The following ZEB1 variants were observed in gnomAD, a reference collection of about 807,000 sequenced individuals.
The protein encoded by ZEB1 is zinc finger E-box-binding homeobox 1.
In ZEB1, 21 loss-of-function variants were observed where a neutral mutation model predicts 84.9. That is an observed-to-expected ratio of 0.25 (90% CI 0.18 to 0.36). The LOEUF (loss-of-function observed/expected upper bound fraction) is 0.36. ZEB1 is among the 10% of genes least tolerant of loss of function. ZEB1 has a pLI of 1.00. For synonymous variants in ZEB1, 420 were observed against 471.1 expected, an observed-to-expected ratio of 0.89 and a Z score of 1.41; for missense variants, 1,104 against 1,330.2, an observed-to-expected ratio of 0.83 and a Z score of 2.65.
intron 1 of ZEB1, among the ~76,000 whole-genome samples, chr10:31,408,219 A>G (rs759566222): frequency 0.021 from 3,193 of 150,928 alleles, 34 homozygotes; most frequent in Non-Finnish European, 0.034. Context: ...GGAGAACTAC[A>G]AACCACTGGT....
At chr10:31,491,139 A>T (rs2066473737) in intron 2 of ZEB1, among the ~76,000 whole-genome samples, 1 of 151,762 alleles carries the variant, frequency 6.6e-6, no homozygotes, top group Non-Finnish European at 1.5e-5. Flanking sequence ...TCATGATCTC[A>T]GTACTTTGAG....
At chr10:31,415,477 G>A (rs923321953) in intron 1 of ZEB1, among the ~76,000 whole-genome samples, 13 of 151,726 alleles carry the variant, frequency 8.6e-5, no homozygotes, top group East Asian at 3.9e-4. Context: ...GACCATGTTC[G>A]TTTTCTAATT....
chr10:31,475,449 C>T (rs1157466105), intron 2 of ZEB1, among the ~76,000 whole-genome samples: 1 of 152,040 alleles, frequency 6.6e-6, no homozygotes, highest in African/African-American at 2.4e-5. Flanking sequence ...TCAGAGAGCA[C>T]CTGAAAAATA....
chr10:31,496,165 C>T (rs1311725025), intron 3 of ZEB1, among the ~76,000 whole-genome samples: 1 of 151,948 alleles, frequency 6.6e-6, no homozygotes, highest in Non-Finnish European at 1.5e-5. Context: ...TAGAGAAATG[C>T]AGATCTAACT....
intron 1 of ZEB1, 165 bp downstream of exon 1, chr10:31,319,457 G>A: frequency 4.5e-6 from 3 of 670,878 alleles, no homozygotes; most frequent in Non-Finnish European, 7.6e-6. Context: ...CTCCGCTGCC[G>A]CCGCTGCCGG....
chr10:31,512,670 C>T (rs1261169028), intron 5 of ZEB1, among the ~76,000 whole-genome samples: 12 of 152,002 alleles, frequency 7.9e-5, no homozygotes, highest in Admixed American at 5.2e-4. Flanking sequence ...AAAAGGAAGT[C>T]CCTGATATTA....
rs1046673047 is a variant in ZEB1, at chr10:31,493,754, G to T, written c.260-2022G>T. Reference sequence around the variant, plus strand: ...TTAGGATGTTGTCTGTTTTCATTAGGCACCATGGTCTTAGTTGCTCAACCA... The same window carrying T: ...TTAGGATGTTGTCTGTTTTCATTAGTCACCATGGTCTTAGTTGCTCAACCA... On this transcript the variant is annotated intron_variant, in intron 2 of 8. Transcript: ENST00000424869. Among the ~76,000 whole-genome samples the T allele has an allele frequency of 5.9e-5, 9 of 151,984 alleles. No homozygotes were observed. The South Asian group carries it at 8.3e-4, about 14-fold the overall frequency.
intron 1 of ZEB1, among the ~76,000 whole-genome samples, chr10:31,438,941 T>C (rs528242882): frequency 6.6e-6 from 1 of 152,328 alleles, no homozygotes; most frequent in African/African-American, 2.4e-5. Flanking sequence ...CCCAGTTCAG[T>C]TTTCTAAAGT....
intron 6 of ZEB1, among the ~76,000 whole-genome samples, chr10:31,518,384 A>G (rs2071591738): frequency 6.6e-6 from 1 of 152,134 alleles, no homozygotes; most frequent in Non-Finnish European, 1.5e-5. Context: ...CTCTTGATCC[A>G]TTTGAAGGTT....
chr10:31,503,724 A>G (rs1204890581), intron 4 of ZEB1, among the ~76,000 whole-genome samples: 1 of 151,890 alleles, frequency 6.6e-6, no homozygotes, highest in Non-Finnish European at 1.5e-5. Flanking sequence ...CATCTTCACC[A>G]GCATTCATTA....
intron 4 of ZEB1, among the ~76,000 whole-genome samples, chr10:31,506,349 T>A (rs770321670): frequency 6.6e-6 from 1 of 152,010 alleles, no homozygotes; most frequent in Non-Finnish European, 1.5e-5. Flanking sequence ...ATCTGTCTAA[T>A]GCTGATAGGG....
intron 1 of ZEB1, among the ~76,000 whole-genome samples, chr10:31,369,014 T>A (rs1439164079): frequency 3.9e-5 from 6 of 152,244 alleles, no homozygotes; most frequent in Admixed American, 3.3e-4. Context: ...GTGGAGGACA[T>A]ATCTTTACAA....
Position 31,528,928 on chromosome 10 carries a change from A to G in ZEB1, c.*1664A>G, listed in dbSNP as rs1197529099. On this transcript the variant is annotated 3_prime_UTR_variant, in exon 9 of 9. Transcript: ENST00000424869. ...TTTAATATAAAACTTAAATTTTGAA[A>G]TTCACTGTGTGACTAATAGCATGAT... 7 of 152,296 alleles carry G rather than the reference A, an allele frequency of 4.6e-5. No homozygotes were observed. In the East Asian group the frequency reaches 1.4e-3, roughly 29 times the overall value. The allele number at this position is 152,296 out of a possible 1,614,324, so 9.4% of individuals were successfully genotyped here.
chr10:31,364,687 T>C (rs1350592687), intron 1 of ZEB1, among the ~76,000 whole-genome samples: 4 of 152,130 alleles, frequency 2.6e-5, no homozygotes, highest in Admixed American at 2.6e-4. Flanking sequence ...GGTCTCCACT[T>C]TTTACAAATT....
Position 31,362,124 on chromosome 10 carries a change from G to A in ZEB1, c.58+42832G>A, listed in dbSNP as rs1377288701. Among the ~76,000 whole-genome samples the A allele has an allele frequency of 4.6e-5, 7 of 150,882 alleles. No homozygotes were observed. In the South Asian group the frequency reaches 6.3e-4, roughly 14 times the overall value. On this transcript the variant is annotated intron_variant, in intron 1 of 8. Coordinates refer to ENST00000424869, the MANE Select transcript of ZEB1 (RefSeq NM_001174096.2). The stretch of plus-strand genomic sequence containing the variant: ...CTCCTTACTTCGCAGACAGGACGGC[G>A]GCGGGGCAGAGGCGCTCCTTGTTTC...
At chr10:31,476,613 G>C (rs2064233113) in intron 2 of ZEB1, among the ~76,000 whole-genome samples, 1 of 151,774 alleles carries the variant, frequency 6.6e-6, no homozygotes, top group Non-Finnish European at 1.5e-5. Context: ...AACTCTTTCT[G>C]TGATACTTGT....
intron 1 of ZEB1, among the ~76,000 whole-genome samples, chr10:31,330,755 A>G (rs1278820699): frequency 1.3e-5 from 2 of 152,106 alleles, no homozygotes; most frequent in East Asian, 1.9e-4. Flanking sequence ...AGATGGGTTT[A>G]TTATATTTAT....
At chr10:31,414,889 A>T (rs1260005732) in intron 1 of ZEB1, among the ~76,000 whole-genome samples, 3 of 152,224 alleles carry the variant, frequency 2.0e-5, no homozygotes, top group African/African-American at 7.2e-5. Context: ...CAAATCTCAA[A>T]GAATGATAAA....
chr10:31,487,415 T>C (rs906209228), intron 2 of ZEB1, among the ~76,000 whole-genome samples: 1 of 151,312 alleles, frequency 6.6e-6, no homozygotes, highest in Non-Finnish European at 1.5e-5. Flanking sequence ...TTTATTTAGG[T>C]TTTCTTTTTC....
Sources: gnomAD v4.1 joint callset for allele counts (sites outside exome capture counted in the v4.1 genomes callset) on GRCh38, gnomAD v4.1.1 for gene constraint, MANE v1.5 for transcripts, NCBI Gene and HGNC (gene_info 2026-07-23, HGNC 2026-07-21) for gene names.